SMAD9: variants seen among roughly 807,000 people sequenced by gnomAD.
The protein encoded by SMAD9 is SMAD family member 9.
In SMAD9, 36 loss-of-function variants were observed where a neutral mutation model predicts 46.1. That is an observed-to-expected ratio of 0.78 (90% CI 0.60 to 1.03). The LOEUF is 1.03. Among genes scored for constraint, SMAD9 ranks in the 50% least tolerant of loss-of-function variants. The probability of loss-of-function intolerance (pLI) is 0.00; values close to 1 mark genes in which losing one functional copy is unlikely to be tolerated. For synonymous variants in SMAD9, 245 were observed against 237.1 expected (o/e 1.03, Z -0.31); for missense variants, 572 against 599.8 (o/e 0.95, Z 0.48).
chr13:36,898,060 G>GT (rs1489071889), intron 1 of SMAD9, among the ~76,000 whole-genome samples: 2 of 151,498 alleles, frequency 1.3e-5, no homozygotes, highest in Non-Finnish European at 2.9e-5. Context: ...GGGTTTCACC[G>GT]TGTTAGCCAG....
At chr13:36,862,639 GC>G (rs1175634878) in intron 5 of SMAD9, among the ~76,000 whole-genome samples, 1 of 152,208 alleles carries the variant, frequency 6.6e-6, no homozygotes, top group Non-Finnish European at 1.5e-5. Context: ...AACAGCCCAT[GC>G]TGCTGCTCTG....
intron 5 of SMAD9, among the ~76,000 whole-genome samples, chr13:36,864,872 A>G (rs545398066): frequency 1.3e-5 from 2 of 152,338 alleles, no homozygotes; most frequent in South Asian, 2.1e-4. Context: ...CTATGACTCC[A>G]TGGTATCAAT....
chr13:36,853,659 G>C lies in SMAD9; in HGVS notation c.1020C>G (p.Tyr340Ter). Reference sequence around the variant, plus strand: ...ACTCGGCATACACCTCTCCCCCGACGTAGTACAAGTGCACACCTGCAGACA... The same window carrying C: ...ACTCGGCATACACCTCTCCCCCGACCTAGTACAAGTGCACACCTGCAGACA... ...RHIGKGVHLY[Y>*]VGGEVYAECV... is the part of the protein sequence containing the mutation. Residue 340 changes from tyrosine (Y) to a stop codon, truncating the protein, a stop_gained, in exon 6 of 7, where the codon TAC (tyrosine) becomes TAG (stop). Transcript: ENST00000379826. LOFTEE classifies it high-confidence loss of function. The C allele has an allele frequency of 6.2e-7, 1 of 1,614,068 alleles. No homozygotes were observed. Among genetic ancestry groups the C allele is most frequent in the Non-Finnish European group, 8.5e-7 (1 of 1,179,998 alleles).
intron 1 of SMAD9, among the ~76,000 whole-genome samples, chr13:36,888,246 A>G (rs1179271282): frequency 1.3e-5 from 2 of 151,992 alleles, no homozygotes; most frequent in African/African-American, 4.8e-5. Flanking sequence ...ATGGGGGAAG[A>G]TTCCCCTCTT....
intron 1 of SMAD9, among the ~76,000 whole-genome samples, chr13:36,884,776 C>A (rs2058431220): frequency 6.6e-6 from 1 of 152,192 alleles, no homozygotes; most frequent in African/African-American, 2.4e-5. Context: ...GAAGAAAATA[C>A]AATTTTAAAA....
chr13:36,885,382 AACACAC>A (rs58162253), intron 1 of SMAD9, among the ~76,000 whole-genome samples: 1 of 150,348 alleles, frequency 6.7e-6, no homozygotes, highest in African/African-American at 2.4e-5. Flanking sequence ...CTGGGCTTAA[AACACAC>A]ACACACACAC....
intron 3 of SMAD9, among the ~76,000 whole-genome samples, chr13:36,869,821 C>T (rs1234745809): frequency 7.3e-6 from 1 of 136,448 alleles, no homozygotes; most frequent in Non-Finnish European, 1.6e-5. Flanking sequence ...AAGAGCAAAA[C>T]TCCATCTCAA....
rs74577487 is a variant in SMAD9, at chr13:36,855,231, G to A, written c.1004-1556C>T. On this transcript the variant is annotated intron_variant, in intron 5 of 6. Coordinates refer to ENST00000379826, the MANE Select transcript of SMAD9 (RefSeq NM_001127217.3). ...GCCACTACTGCACTCCAGACTGGGCGACTGAGTGAGAGTCCATCTCAAAAA... is the reference window on the plus strand; with the variant it reads ...GCCACTACTGCACTCCAGACTGGGCAACTGAGTGAGAGTCCATCTCAAAAA... Among the ~76,000 whole-genome samples, 445 of 131,648 alleles carry A rather than the reference G, an allele frequency of 3.4e-3. 1 individual carries two copies. The highest frequency in any genetic ancestry group is 0.012 in the African/African-American group (429 of 34,370). 86.4% of individuals were successfully genotyped at this position (131,648 alleles called of 152,430 possible).
chr13:36,874,125 C>T (rs946240717), intron 2 of SMAD9, among the ~76,000 whole-genome samples: 4 of 152,106 alleles, frequency 2.6e-5, no homozygotes, highest in African/African-American at 9.7e-5. Context: ...AACATAAGTT[C>T]CAGACAGGGA....
intron 1 of SMAD9, among the ~76,000 whole-genome samples, chr13:36,919,321 T>A (rs1484753075): frequency 6.6e-6 from 1 of 152,098 alleles, no homozygotes; most frequent in Non-Finnish European, 1.5e-5. Flanking sequence ...TCAGGCAGTC[T>A]CCTGTATCTG....
intron 5 of SMAD9, 59 bp from the exon 6 acceptor site, chr13:36,853,734 C>T (rs1373065688): frequency 6.3e-7 from 1 of 1,587,306 alleles, no homozygotes; most frequent in African/African-American, 1.3e-5. Context: ...GCCTCTCCCA[C>T]TGATTCCTGA....
intron 1 of SMAD9, among the ~76,000 whole-genome samples, chr13:36,887,994 TCCAACAGGGGC>T (rs1185418327): frequency 6.6e-6 from 1 of 151,770 alleles, no homozygotes; most frequent in Non-Finnish European, 1.5e-5. Context: ...AAAGGCAAAC[TCCAACAGGGGC>T]CCGTCTGCCA....
intron 5 of SMAD9, among the ~76,000 whole-genome samples, chr13:36,856,770 G>A (rs890490673): frequency 6.6e-6 from 1 of 151,670 alleles, no homozygotes; most frequent in African/African-American, 2.4e-5. Context: ...TACTTCAGCA[G>A]GTCCAGGGTG....
Position 36,846,888 on chromosome 13 carries a change from T to C in SMAD9, c.*1788A>G, listed in dbSNP as rs2058041586. 6.6e-6 allele frequency: 1 copy of C among 152,214 alleles called. No homozygotes were observed. Among genetic ancestry groups the C allele is most frequent in the Admixed American group, 6.5e-5 (1 of 15,274 alleles). 9.4% of individuals were successfully genotyped at this position (152,214 alleles called of 1,614,324 possible). Reference sequence around the variant, plus strand: ...ATGTCTGTACAAACAGATTCACTATTAGGTTCTCGGCTCCCTGAGGGCTGG... The same window carrying C: ...ATGTCTGTACAAACAGATTCACTATCAGGTTCTCGGCTCCCTGAGGGCTGG... On this transcript the variant is annotated 3_prime_UTR_variant, in exon 7 of 7. Transcript: ENST00000379826.
At chr13:36,883,384 C>T (rs1339193371) in intron 1 of SMAD9, among the ~76,000 whole-genome samples, 5 of 152,142 alleles carry the variant, frequency 3.3e-5, no homozygotes, top group Admixed American at 2.6e-4. Context: ...CCTGAGGGGG[C>T]GGAAAGTCTG....
At chr13:36,862,631 C>T (rs1445096820) in intron 5 of SMAD9, among the ~76,000 whole-genome samples, 2 of 152,218 alleles carry the variant, frequency 1.3e-5, no homozygotes, top group Non-Finnish European at 2.9e-5. Flanking sequence ...ATCAGTCGAA[C>T]AGCCCATGCT....
In SMAD9 at chr13:36,879,363, C is replaced by T. The variant is rs150209766; in HGVS notation, c.327G>A (p.Pro109=). 316 of 1,614,120 alleles carry T rather than the reference C, an allele frequency of 2.0e-4. 2 individuals are homozygous for T. In the East Asian group the frequency reaches 6.5e-3, roughly 33 times the overall value. ...CAAATGGGAACTCACAGCACTCCAG[C>T]GGCTTCAGCTCGTGGTGGGACTGCA... ...PDLQSHHELK[P]LECCEFPFGS... The change falls in exon 2 of 7, where the codon CCG becomes CCA. Residue 109 remains proline (P), a synonymous_variant. Coordinates refer to ENST00000379826, the MANE Select transcript of SMAD9 (RefSeq NM_001127217.3).
In SMAD9 at chr13:36,881,890, T is replaced by C. The variant is rs568586438; in HGVS notation, c.-186-2015A>G. Among the ~76,000 whole-genome samples, 8 of 152,344 alleles carry C rather than the reference T, an allele frequency of 5.3e-5. No individual in the cohort carries two copies. In the South Asian group the frequency reaches 1.7e-3, roughly 32 times the overall value. ...AAGAGTTGTGAATTCTGCTTAGTTT[T>C]ACATGGAACTCATTATTAGTAAGTT... On this transcript the variant is annotated intron_variant, in intron 1 of 6. Transcript: ENST00000379826.
At chr13:36,892,227 A>G (rs2058493846) in intron 1 of SMAD9, among the ~76,000 whole-genome samples, 1 of 152,226 alleles carries the variant, frequency 6.6e-6, no homozygotes, top group Non-Finnish European at 1.5e-5. Flanking sequence ...TACATATCCC[A>G]TGAATAATGA....
Sources: allele counts gnomAD v4.1 joint callset (sites outside exome capture counted in the v4.1 genomes callset), GRCh38; gene constraint gnomAD v4.1.1; transcripts MANE v1.5; gene names NCBI Gene and HGNC (gene_info 2026-07-23, HGNC 2026-07-21).